Variants in RARS1 observed in about 807,000 individuals in gnomAD.
RARS1 encodes arginyl-tRNA synthetase 1, also known as arginine--tRNA ligase, cytoplasmic.
In RARS1, 75 loss-of-function variants were observed where a neutral mutation model predicts 78.7. The ratio of observed to expected loss-of-function variants is 0.95; its 90% CI spans 0.79 to 1.15. RARS1 has a LOEUF of 1.15. RARS1 is among the 50% of genes most tolerant of loss of function. The probability of loss-of-function intolerance (pLI) is 0.00; values close to 1 mark genes in which losing one functional copy is unlikely to be tolerated. For missense variants in RARS1, 787 were observed against 787.5 expected, an observed-to-expected ratio of 1.00 and a Z score of 0.01; for synonymous variants, 273 against 268.2, an observed-to-expected ratio of 1.02 and a Z score of -0.18.
intron 12 of RARS1, among the ~76,000 whole-genome samples, chr5:168,514,069 A>C (rs1014352622): frequency 6.6e-6 from 1 of 152,198 alleles, no homozygotes; most frequent in African/African-American, 2.4e-5. Flanking sequence ...GTTTCCTTTG[A>C]AAATCAGTTG....
At chr5:168,494,402 A>G in intron 4 of RARS1, 148 bp from the exon 5 acceptor site, 7 of 1,455,942 alleles carry the variant, frequency 4.8e-6, no homozygotes, top group Non-Finnish European at 6.3e-6. Flanking sequence ...ACAGGAGCTT[A>G]CAAGACAGCT....
chr5:168,491,946 C>CTTTTTTT (rs149780336), intron 2 of RARS1, among the ~76,000 whole-genome samples: 3 of 102,614 alleles, frequency 2.9e-5, no homozygotes, highest in African/African-American at 3.8e-5. Context: ...TGTCATTCAC[C>CTTTTTTT]TTTTTTTTTT....
chr5:168,502,384 A>ATATTTTTTTTTTTTT (rs1280220276), intron 9 of RARS1, among the ~76,000 whole-genome samples: 93 of 127,198 alleles, frequency 7.3e-4, no homozygotes, highest in African/African-American at 2.9e-3. Context: ...ATATATATAT[A>ATATTTTTTTTTTTTT]TTTTTTTTTT....
intron 8 of RARS1, 132 bp downstream of exon 8, chr5:168,500,852 T>A: frequency 8.7e-7 from 1 of 1,154,994 alleles, no homozygotes; most frequent in Non-Finnish European, 1.2e-6. Flanking sequence ...TTCTTAAATG[T>A]ATTTCTGAAA....
intron 1 of RARS1, among the ~76,000 whole-genome samples, chr5:168,487,642 G>A (rs1267122660): frequency 6.6e-6 from 1 of 152,198 alleles, no homozygotes; most frequent in Non-Finnish European, 1.5e-5. Context: ...GGAACATAAT[G>A]TATGCTCATT....
intron 8 of RARS1, among the ~76,000 whole-genome samples, chr5:168,501,225 G>C (rs1758312855): frequency 6.6e-6 from 1 of 152,116 alleles, no homozygotes; most frequent in Non-Finnish European, 1.5e-5. Flanking sequence ...CTTTGAAAAA[G>C]ACGATTAATG....
intron 8 of RARS1, 126 bp downstream of exon 8, chr5:168,500,846 T>A: frequency 8.4e-7 from 1 of 1,183,548 alleles, no homozygotes; most frequent in Non-Finnish European, 1.1e-6. Context: ...GATTTTTTCT[T>A]AAATGTATTT....
Position 168,495,428 on chromosome 5 carries a change from C to T in RARS1, c.693C>T (p.Asp231=), listed in dbSNP as rs768510121. 1.3e-5 allele frequency: 21 copies of T among 1,613,286 alleles called. No individual in the cohort carries two copies. Among genetic ancestry groups the T allele is most frequent in the East Asian group, 2.2e-5 (1 of 44,844 alleles). The change falls in exon 6 of 15, where the codon GAC becomes GAT. Residue 231 remains aspartate, a synonymous_variant. Transcript: ENST00000231572. The part of the protein sequence containing the change: ...ISRLFEFAGY[D]VLRLNHVGDW... Reference sequence around the variant, plus strand: ...GCCTCTTTGAATTTGCAGGGTATGACGTGCTCAGGTATGTGCTCTTGCCTT... The same window carrying T: ...GCCTCTTTGAATTTGCAGGGTATGATGTGCTCAGGTATGTGCTCTTGCCTT...
chr5:168,504,521 C>CAA (rs60401511), intron 9 of RARS1, among the ~76,000 whole-genome samples: 2 of 101,160 alleles, frequency 2.0e-5, no homozygotes, highest in Non-Finnish European at 3.9e-5. Context: ...GATTCTGTCT[C>CAA]AAAAAAAAAA....
intron 2 of RARS1, among the ~76,000 whole-genome samples, chr5:168,489,478 C>A (rs1330482989): frequency 6.6e-6 from 1 of 152,198 alleles, no homozygotes. Context: ...TTATATCTTA[C>A]ATAATCATTT....
chr5:168,491,482 T>G (rs2152903509), intron 2 of RARS1, among the ~76,000 whole-genome samples: 1 of 152,038 alleles, frequency 6.6e-6, no homozygotes. Flanking sequence ...CAGAGAGGAG[T>G]CAATTATTGA....
At chr5:168,494,844 T>C in intron 5 of RARS1, 194 bp downstream of exon 5, 1 of 481,714 alleles carries the variant, frequency 2.1e-6, no homozygotes, top group Non-Finnish European at 3.6e-6. Context: ...GGCAGTATCA[T>C]GAGACTTCAT....
chr5:168,487,743 T>G (rs1163661946), intron 1 of RARS1, among the ~76,000 whole-genome samples: 1 of 152,210 alleles, frequency 6.6e-6, no homozygotes, highest in African/African-American at 2.4e-5. Context: ...CAGTTTAAGT[T>G]GGAAGCTTTA....
At chr5:168,488,136 CT>C (rs752367166) in intron 1 of RARS1, 567 of 362,726 alleles carry the variant, frequency 1.6e-3, no homozygotes, top group Middle Eastern at 2.8e-3. Flanking sequence ...TTTTCTTTTT[CT>C]TTTTTTTTGA....
Position 168,518,180 on chromosome 5 carries a change from C to G in RARS1, c.1873+118C>G. 3 of 1,223,082 alleles carry G rather than the reference C, an allele frequency of 2.5e-6. 1 individual carries two copies. Among genetic ancestry groups the G allele is most frequent in the Non-Finnish European group, 3.2e-6 (3 of 943,274 alleles). The allele number at this position is 1,223,082 out of a possible 1,614,324, so 75.8% of individuals were successfully genotyped here. A position where few individuals can be genotyped will look rare whatever the true frequency, so the allele number is the denominator to read the frequency against. On this transcript the variant is annotated intron_variant, in intron 14 of 14. Coordinates refer to ENST00000231572, the MANE Select transcript of RARS1 (RefSeq NM_002887.4). ...GTCACTGAAGCCTCAAACTTCTGGC[C>G]TCAAGTGATTCTCCCACTTGAGCCT... is the stretch of plus-strand genomic sequence containing the variant.
chr5:168,518,071 CTTTT>C lies in RARS1; in HGVS notation c.1873+30_1873+33del, dbSNP rs747777615. On this transcript the variant is annotated intron_variant, in intron 14 of 14. Transcript: ENST00000231572. ...GAAAGATAGACAGACTGGTGAGTGT[CTTTT>C]TTTTTTTTTTTTTTTTTTTTAGTGA... The C allele has an allele frequency of 0.018, 13,258 of 735,140 alleles. 1 individual carries two copies. The highest frequency in any genetic ancestry group is 0.033 in the East Asian group (241 of 7,256). The allele number at this position is 735,140 out of a possible 1,614,324, so 45.5% of individuals were successfully genotyped here.
rs1378012147 is a variant in RARS1 at position 168,500,676 on chromosome 5, A to G, written c.908A>G (p.Asp303Gly). Residue 303 changes from aspartate (D) to glycine (G), a missense_variant, in exon 8 of 15, where the codon GAT (aspartate) becomes GGT (glycine). Coordinates refer to ENST00000231572, the MANE Select transcript of RARS1 (RefSeq NM_002887.4). ...GTTCTGCTCCAGGGTAAAAACCCAG[A>G]TATTACAAAAGCTTGGAAGCTTATC... ...CVVLLQGKNP[D>G]ITKAWKLICD... is the part of the protein sequence containing the mutation. 1.9e-6 allele frequency: 3 copies of G among 1,610,476 alleles called. No homozygotes were observed. The highest frequency in any genetic ancestry group is 2.2e-5 in the East Asian group (1 of 44,760).
Position 168,501,982 on chromosome 5 carries a change from A to G in RARS1, c.953-19A>G. 1 of 1,579,212 alleles carries G rather than the reference A, an allele frequency of 6.3e-7. No individual in the cohort carries two copies. Among genetic ancestry groups the G allele is most frequent in the South Asian group, 1.2e-5 (1 of 82,122 alleles). On this transcript the variant is annotated intron_variant, in intron 8 of 14. Coordinates refer to ENST00000231572, the MANE Select transcript of RARS1 (RefSeq NM_002887.4). ...ATTCTTATGCATTTTATTTGGTGGCATTTTATTTTCTTCCCTAGAGTTAAA... is the reference window on the plus strand; with the variant it reads ...ATTCTTATGCATTTTATTTGGTGGCGTTTTATTTTCTTCCCTAGAGTTAAA...
chr5:168,513,746 A>G (rs577577336), intron 12 of RARS1, among the ~76,000 whole-genome samples: 2 of 152,130 alleles, frequency 1.3e-5, no homozygotes, highest in South Asian at 2.1e-4. Context: ...ACTTACATTT[A>G]TCTATATATT....
Sources: gnomAD v4.1 joint callset for allele counts (sites outside exome capture counted in the v4.1 genomes callset) on GRCh38, gnomAD v4.1.1 for gene constraint, MANE v1.5 for transcripts, NCBI Gene and HGNC (gene_info 2026-07-23, HGNC 2026-07-21) for gene names.